PBK: variants seen among roughly 807,000 people sequenced by gnomAD.
PBK encodes lymphokine-activated killer T-cell-originated protein kinase.
In PBK, 22 loss-of-function variants were observed where a neutral mutation model predicts 33.5. That is an observed-to-expected ratio of 0.66 (90% CI 0.47 to 0.94). PBK has a LOEUF of 0.94. PBK is among the 40% of genes least tolerant of loss of function. PBK has a pLI of 0.00. For missense variants in PBK, 376 were observed against 383.4 expected, an observed-to-expected ratio of 0.98 and a Z score of 0.16; for synonymous variants, 129 against 123.8, an observed-to-expected ratio of 1.04 and a Z score of -0.28.
intron 6 of PBK, 121 bp downstream of exon 6, chr8:27,820,444 G>A: frequency 3.1e-6 from 2 of 645,452 alleles, no homozygotes; most frequent in South Asian, 4.0e-5. Flanking sequence ...AAAAAAAGGG[G>A]ACTTTTTACC....
At chr8:27,826,984 G>C (rs1806038347) in intron 3 of PBK, among the ~76,000 whole-genome samples, 3 of 151,828 alleles carry the variant, frequency 2.0e-5, no homozygotes, top group Admixed American at 6.6e-5. Context: ...AAACAAATTA[G>C]AAAACAATAC....
chr8:27,824,086 C>G (rs1706869923), intron 3 of PBK, among the ~76,000 whole-genome samples: 1 of 152,034 alleles, frequency 6.6e-6, no homozygotes, highest in Non-Finnish European at 1.5e-5. Context: ...AATCAAAAAG[C>G]CTATACTAAA....
intron 6 of PBK, 51 bp from the exon 7 acceptor site, chr8:27,811,185 GC>G: frequency 6.4e-7 from 1 of 1,556,422 alleles, no homozygotes; most frequent in South Asian, 1.1e-5. Flanking sequence ...TCACGAAAAG[GC>G]AAGCAACCCA....
chr8:27,832,590 G>A (rs1438733333), intron 2 of PBK, among the ~76,000 whole-genome samples: 4 of 152,142 alleles, frequency 2.6e-5, no homozygotes, highest in Non-Finnish European at 5.9e-5. Context: ...ACTAGAAATG[G>A]ACAACAGAAT....
chr8:27,830,057 G>T (rs1429408416), intron 2 of PBK, among the ~76,000 whole-genome samples: 2 of 151,402 alleles, frequency 1.3e-5, no homozygotes, highest in Admixed American at 6.6e-5. Context: ...ACAAAAATTA[G>T]CTGGGCGTGG....
chr8:27,830,237 G>A (rs1273221774), intron 2 of PBK, among the ~76,000 whole-genome samples: 3 of 148,620 alleles, frequency 2.0e-5, no homozygotes, highest in African/African-American at 2.5e-5. Flanking sequence ...GACAGGAATG[G>A]CAAAATTAGC....
At chr8:27,836,890 G>A (rs1477053768) in intron 1 of PBK, among the ~76,000 whole-genome samples, 1 of 152,092 alleles carries the variant, frequency 6.6e-6, no homozygotes, top group Non-Finnish European at 1.5e-5. Context: ...GTTGTCTGAG[G>A]GCCACTTTTT....
At chr8:27,825,429 C>A (rs935600026) in intron 3 of PBK, among the ~76,000 whole-genome samples, 3 of 152,078 alleles carry the variant, frequency 2.0e-5, no homozygotes, top group Non-Finnish European at 4.4e-5. Context: ...CAAAATGAGA[C>A]CCTGTCTCTA....
intron 2 of PBK, among the ~76,000 whole-genome samples, chr8:27,831,720 T>C (rs2128965705): frequency 6.6e-6 from 1 of 152,278 alleles, no homozygotes; most frequent in Admixed American, 6.5e-5. Context: ...AGAAGGTTAA[T>C]AAGGGTGTAT....
At position 27,810,276 on chromosome 8, in the gene PBK, C is replaced by T. The variant is rs1052873; in HGVS notation, c.*29G>A. 0.19 allele frequency: 278,618 copies of T among 1,475,812 alleles called. 28,815 individuals carry two copies. The highest frequency in any genetic ancestry group is 0.22 in the Middle Eastern group (1,303 of 5,792). 91.4% of individuals were successfully genotyped at this position (1,475,812 alleles called of 1,614,324 possible). On this transcript the variant is annotated 3_prime_UTR_variant, in exon 8 of 8. Transcript: ENST00000301905. ...ATATTTTGGAATAAACAGTTATTTA[C>T]GCAAGCCACACTTCAGCTGAGATGA... is the stretch of plus-strand genomic sequence containing the variant.
chr8:27,813,220 A>C (rs1805731529), intron 6 of PBK, among the ~76,000 whole-genome samples: 2 of 152,244 alleles, frequency 1.3e-5, no homozygotes, highest in African/African-American at 2.4e-5. Context: ...TCACAAGGAC[A>C]GAAAACCAAA....
chr8:27,837,372 A>G (rs1395647184), intron 1 of PBK, among the ~76,000 whole-genome samples: 1 of 152,190 alleles, frequency 6.6e-6, no homozygotes, highest in Non-Finnish European at 1.5e-5. Flanking sequence ...GAGAAAAAGT[A>G]AAGGAGAAAA....
chr8:27,820,954 G>C (rs1208692660), intron 5 of PBK, among the ~76,000 whole-genome samples: 4 of 151,666 alleles, frequency 2.6e-5, no homozygotes, highest in Non-Finnish European at 5.9e-5. Flanking sequence ...CTCCCAAGTA[G>C]CTGGGACTAC....
At chr8:27,814,883 C>CA (rs1338751176) in intron 6 of PBK, among the ~76,000 whole-genome samples, 1 of 152,150 alleles carries the variant, frequency 6.6e-6, no homozygotes, top group Non-Finnish European at 1.5e-5. Context: ...CCCATAGTGT[C>CA]ATACAAACCT....
At chr8:27,835,884 T>C (rs1806218119) in intron 1 of PBK, among the ~76,000 whole-genome samples, 1 of 152,124 alleles carries the variant, frequency 6.6e-6, no homozygotes, top group Non-Finnish European at 1.5e-5. Context: ...GTGAAGCTAC[T>C]CTTCATTCAC....
At position 27,820,545 on chromosome 8, in the gene PBK, AACTT is replaced by A. The variant is rs753798858; in HGVS notation, c.595+16_595+19del. On this transcript the variant is annotated intron_variant, in intron 6 of 7. Coordinates refer to ENST00000301905, the MANE Select transcript of PBK (RefSeq NM_018492.4). ...CACTGTATTAAAAACAAAATTTTAA[AACTT>A]AAGAGTACAACTTACCAGTCATATT... The A allele has an allele frequency of 2.7e-6, 4 of 1,465,408 alleles. No homozygotes were observed. The African/African-American group carries it at 5.7e-5, about 21-fold the overall frequency. The allele number at this position is 1,465,408 out of a possible 1,614,324, so 90.8% of individuals were successfully genotyped here. A position where few individuals can be genotyped will look rare whatever the true frequency, so the allele number is the denominator to read the frequency against.
intron 6 of PBK, among the ~76,000 whole-genome samples, chr8:27,817,014 G>T (rs1009862674): frequency 5.3e-5 from 8 of 152,034 alleles, no homozygotes; most frequent in Non-Finnish European, 7.4e-5. Context: ...TATTTTTGAA[G>T]TGATCAGAGG....
rs576419255 is a variant in PBK at position 27,830,284 on chromosome 8, CAAT to C, written c.59-2089_59-2087del. 1.7e-3 allele frequency among the ~76,000 whole-genome samples: 245 copies of C among 146,912 alleles called. 1 individual carries two copies. The highest frequency in any genetic ancestry group is 6.0e-3 in the African/African-American group (237 of 39,646). ...TTAAGACAAATCTTAAAAATGTGCT[CAAT>C]GATACAAAGGAAAATCTGAGCATAA... On this transcript the variant is annotated intron_variant, in intron 2 of 7. Transcript: ENST00000301905.
chr8:27,831,518 A>C (rs1311863908), intron 2 of PBK, among the ~76,000 whole-genome samples: 1 of 152,224 alleles, frequency 6.6e-6, no homozygotes, highest in Non-Finnish European at 1.5e-5. Context: ...TAATATAAAA[A>C]GTATACAGAA....
Sources: gnomAD v4.1 joint callset for allele counts (sites outside exome capture counted in the v4.1 genomes callset) on GRCh38, gnomAD v4.1.1 for gene constraint, MANE v1.5 for transcripts, NCBI Gene and HGNC (gene_info 2026-07-23, HGNC 2026-07-21) for gene names.